MAP2K4: variants seen among roughly 807,000 people sequenced by gnomAD.
The protein encoded by MAP2K4 is mitogen-activated protein kinase kinase 4.
In MAP2K4, 4 loss-of-function variants were observed where a neutral mutation model predicts 48.5. The ratio of observed to expected loss-of-function variants is 0.08; its 90% CI spans 0.04 to 0.19. The LOEUF is 0.19. MAP2K4 is among the 10% of genes least tolerant of loss of function. The pLI, the probability that MAP2K4 is intolerant of heterozygous loss-of-function variation, is 1.00. For synonymous variants in MAP2K4, 166 were observed against 173.1 expected (o/e 0.96, Z 0.32); for missense variants, 258 against 493.3 (o/e 0.52, Z 4.52).
chr17:12,090,040 T>G (rs1468107908), intron 3 of MAP2K4, among the ~76,000 whole-genome samples: 1 of 152,210 alleles, frequency 6.6e-6, no homozygotes, highest in Non-Finnish European at 1.5e-5. Context: ...TCCTAGGAAC[T>G]GACATCTGTC....
intron 2 of MAP2K4, among the ~76,000 whole-genome samples, chr17:12,060,287 C>T (rs1020819980): frequency 6.6e-6 from 1 of 152,094 alleles, no homozygotes; most frequent in African/African-American, 2.4e-5. Flanking sequence ...CTTAATTCTG[C>T]TCTCAATTTA....
At chr17:12,096,583 A>T (rs1402659275) in intron 4 of MAP2K4, among the ~76,000 whole-genome samples, 4 of 152,220 alleles carry the variant, frequency 2.6e-5, no homozygotes, top group Non-Finnish European at 5.9e-5. Flanking sequence ...AAATGTTAGG[A>T]TGAATAACCG....
At chr17:12,091,037 A>T (rs1971544215) in intron 3 of MAP2K4, among the ~76,000 whole-genome samples, 1 of 152,158 alleles carries the variant, frequency 6.6e-6, no homozygotes, top group South Asian at 2.1e-4. Context: ...GAGGCTGGAG[A>T]ATTGTGTCAC....
chr17:12,129,427 T>A (rs1386866864), intron 9 of MAP2K4, 140 bp downstream of exon 9: 1 of 930,194 alleles, frequency 1.1e-6, no homozygotes, highest in African/African-American at 1.6e-5. Context: ...GGACTCTGGA[T>A]CACTGTGGCT....
intron 9 of MAP2K4, 23 bp downstream of exon 9, chr17:12,129,310 G>A (rs1398790185): frequency 6.2e-7 from 1 of 1,614,110 alleles, no homozygotes; most frequent in East Asian, 2.2e-5. Flanking sequence ...TTTATGAATG[G>A]TCGAACACGC....
At chr17:12,069,566 T>C (rs1970722044) in intron 2 of MAP2K4, 1 of 223,304 alleles carries the variant, frequency 4.5e-6, no homozygotes, top group African/African-American at 2.3e-5. Context: ...GTTCACTAAA[T>C]ATGAGTATCA....
intron 6 of MAP2K4, among the ~76,000 whole-genome samples, chr17:12,111,261 A>G (rs1233248958): frequency 2.0e-5 from 3 of 152,242 alleles, no homozygotes; most frequent in African/African-American, 4.8e-5. Context: ...GGTTAAAGAA[A>G]TTAGTAATTG....
At chr17:12,059,757 G>C (rs1486669989) in intron 2 of MAP2K4, among the ~76,000 whole-genome samples, 1 of 152,184 alleles carries the variant, frequency 6.6e-6, no homozygotes, top group Non-Finnish European at 1.5e-5. Context: ...AAAGTCCCTA[G>C]TTAATAACTA....
chr17:12,123,967 A>G (rs1289751824), intron 7 of MAP2K4, among the ~76,000 whole-genome samples: 2 of 152,168 alleles, frequency 1.3e-5, no homozygotes, highest in Non-Finnish European at 2.9e-5. Flanking sequence ...GTTCCATGCT[A>G]GTTTGGGGAA....
chr17:12,093,209 C>T (rs1259673257), intron 3 of MAP2K4, among the ~76,000 whole-genome samples: 4 of 152,126 alleles, frequency 2.6e-5, no homozygotes, highest in African/African-American at 9.7e-5. Context: ...GCTCTGTGTT[C>T]TATTTTGTAC....
At chr17:12,114,751 C>G (rs1366656978) in intron 7 of MAP2K4, among the ~76,000 whole-genome samples, 1 of 152,120 alleles carries the variant, frequency 6.6e-6, no homozygotes, top group Non-Finnish European at 1.5e-5. Context: ...TTTGAAAATG[C>G]AATTGCAGCC....
intron 3 of MAP2K4, among the ~76,000 whole-genome samples, chr17:12,084,787 A>G (rs1188942952): frequency 6.6e-6 from 1 of 152,162 alleles, no homozygotes; most frequent in Admixed American, 6.6e-5. Context: ...TAGCGGGGTA[A>G]AGCCCAGAGT....
chr17:12,083,556 A>T (rs146188627), intron 3 of MAP2K4, among the ~76,000 whole-genome samples: 149 of 152,302 alleles, frequency 9.8e-4, no homozygotes, highest in Non-Finnish European at 1.9e-3. Flanking sequence ...ATGGGAGAGG[A>T]TGGCAGTACA....
intron 9 of MAP2K4, among the ~76,000 whole-genome samples, chr17:12,137,891 C>T (rs1305040056): frequency 2.0e-5 from 3 of 151,432 alleles, no homozygotes; most frequent in Non-Finnish European, 4.4e-5. Context: ...TATAAATTTA[C>T]CTTTTAAATT....
At chr17:12,053,277 C>G (rs1431450402) in intron 1 of MAP2K4, among the ~76,000 whole-genome samples, 1 of 152,026 alleles carries the variant, frequency 6.6e-6, no homozygotes, top group Non-Finnish European at 1.5e-5. Flanking sequence ...TTCTGATCAT[C>G]ATGTTATCAT....
At position 12,125,410 on chromosome 17, in the gene MAP2K4, A is replaced by G. The variant is rs374609503; in HGVS notation, c.891+39A>G. On this transcript the variant is annotated intron_variant, in intron 8 of 10. Coordinates refer to ENST00000353533, the MANE Select transcript of MAP2K4 (RefSeq NM_003010.4). Reference sequence around the variant, plus strand: ...GATTCAACCTTGCCACAGTAGCGTAACAATAAGAAATTTAGAAGTGAAAGA... The same window carrying G: ...GATTCAACCTTGCCACAGTAGCGTAGCAATAAGAAATTTAGAAGTGAAAGA... 6.5e-6 allele frequency: 10 copies of G among 1,530,152 alleles called. No homozygotes were observed. In the African/African-American group the frequency reaches 1.4e-4, roughly 21 times the overall value. The allele number at this position is 1,530,152 out of a possible 1,614,324, so 94.8% of individuals were successfully genotyped here.
chr17:12,141,251 T>C lies in MAP2K4; in HGVS notation c.1191T>C (p.Tyr397=). Residue 397 remains tyrosine, a synonymous_variant, in exon 11 of 11, where the codon TAT becomes TAC. Transcript: ENST00000353533. ...QMPATPSSPM[Y]VD ...CAGCTACTCCCAGCTCTCCCATGTA[T>C]GTCGATTGATATCGCTGCTACATCA... 6.2e-7 allele frequency: 1 copy of C among 1,610,972 alleles called. No individual in the cohort carries two copies. Among genetic ancestry groups the C allele is most frequent in the Non-Finnish European group, 8.5e-7 (1 of 1,177,112 alleles).
intron 2 of MAP2K4, among the ~76,000 whole-genome samples, chr17:12,073,218 C>G (rs551533887): frequency 6.6e-6 from 1 of 152,196 alleles, no homozygotes; most frequent in South Asian, 2.1e-4. Context: ...ATGTTCATTT[C>G]TTCTCCTGCC....
chr17:12,115,630 A>G (rs1398871653), intron 7 of MAP2K4: 5 of 746,292 alleles, frequency 6.7e-6, no homozygotes, highest in Non-Finnish European at 1.0e-5. Context: ...AGAAAGCACA[A>G]TTGGTGGTTA....
Sources: gnomAD v4.1 joint callset for allele counts (sites outside exome capture counted in the v4.1 genomes callset) on GRCh38, gnomAD v4.1.1 for gene constraint, MANE v1.5 for transcripts, NCBI Gene and HGNC (gene_info 2026-07-23, HGNC 2026-07-21) for gene names.